Variants in BCKDHB observed in about 807,000 individuals in gnomAD.
BCKDHB encodes the protein branched chain keto acid dehydrogenase E1 subunit beta, also known as 2-oxoisovalerate dehydrogenase subunit beta, mitochondrial.
Under a neutral mutation model 48.5 loss-of-function variants are expected in BCKDHB, and 41 were observed. That is an observed-to-expected ratio of 0.85 (90% confidence interval 0.66 to 1.10). The LOEUF (loss-of-function observed/expected upper bound fraction) is 1.10, where lower values mean the gene tolerates loss of function less well. Among genes scored for constraint, BCKDHB ranks in the 50% least tolerant of loss-of-function variants. The pLI, the probability that BCKDHB is intolerant of heterozygous loss-of-function variation, is 0.00. For missense variants in BCKDHB, 496 were observed against 494.2 expected (o/e 1.00, Z -0.03); for synonymous variants, 201 against 174.8 (o/e 1.15, Z -1.18).
the BCKDHB span, among the ~76,000 whole-genome samples, chr6:80,435,258 T>G: frequency 6.6e-6 from 1 of 152,212 alleles, no homozygotes; most frequent in Non-Finnish European, 1.5e-5. Flanking sequence ...GGGCACAATT[T>G]GATTTTACTG....
intron 9 of BCKDHB, among the ~76,000 whole-genome samples, chr6:80,337,101 G>A (rs984445544): frequency 6.6e-6 from 1 of 152,064 alleles, no homozygotes; most frequent in African/African-American, 2.4e-5. Flanking sequence ...ACAGGTTTCT[G>A]TGACTCATTT....
At chr6:80,234,420 G>A (rs1056638458) in intron 8 of BCKDHB, among the ~76,000 whole-genome samples, 1 of 152,160 alleles carries the variant, frequency 6.6e-6, no homozygotes, top group African/African-American at 2.4e-5. Context: ...AGGGGTGGCA[G>A]TTTATATTTG....
chr6:80,110,553 A>G (rs1383588244), intron 1 of BCKDHB, among the ~76,000 whole-genome samples: 1 of 152,200 alleles, frequency 6.6e-6, no homozygotes, highest in Non-Finnish European at 1.5e-5. Flanking sequence ...GAACTGTCCA[A>G]GTGTATTATT....
At chr6:80,384,604 G>A in the BCKDHB span, among the ~76,000 whole-genome samples, 2 of 152,032 alleles carry the variant, frequency 1.3e-5, no homozygotes, top group African/African-American at 4.8e-5. Context: ...TGATCCGCCT[G>A]CCTTGGCCTC....
intron 9 of BCKDHB, among the ~76,000 whole-genome samples, chr6:80,335,427 A>C (rs1769537183): frequency 6.6e-6 from 1 of 152,010 alleles, no homozygotes; most frequent in African/African-American, 2.4e-5. Flanking sequence ...AGGAAATTCC[A>C]CTTTCAAACG....
chr6:80,414,386 G>T, the BCKDHB span, among the ~76,000 whole-genome samples: 6 of 152,238 alleles, frequency 3.9e-5, no homozygotes, highest in South Asian at 1.2e-3. Flanking sequence ...TTCCAGGATG[G>T]TATTTTCTAG....
the BCKDHB span, among the ~76,000 whole-genome samples, chr6:80,408,095 G>T: frequency 6.6e-6 from 1 of 152,046 alleles, no homozygotes; most frequent in Non-Finnish European, 1.5e-5. Context: ...GGCCTTTTCT[G>T]CATCTGTTGA....
chr6:80,213,593 A>G (rs1775038150), intron 8 of BCKDHB, among the ~76,000 whole-genome samples: 1 of 151,632 alleles, frequency 6.6e-6, no homozygotes, highest in Non-Finnish European at 1.5e-5. Flanking sequence ...ACTGTCTCCC[A>G]GTCTTCCCTC....
At chr6:80,286,758 A>G (rs1766644251) in intron 9 of BCKDHB, among the ~76,000 whole-genome samples, 1 of 152,186 alleles carries the variant, frequency 6.6e-6, no homozygotes, top group African/African-American at 2.4e-5. Context: ...TTTCATAGAC[A>G]GAGTCTGAAG....
At chr6:80,374,124 C>T in the BCKDHB span, 1 of 708,584 alleles carries the variant, frequency 1.4e-6, no homozygotes, top group African/African-American at 1.7e-5. Context: ...TTCAGTAAGG[C>T]TCATCTCAAT....
chr6:80,128,872 CTGTGTGTGTGTGTG>C lies in BCKDHB; in HGVS notation c.275-266_275-253del, dbSNP rs60116640. Among the ~76,000 whole-genome samples, 97 of 147,522 alleles carry C rather than the reference CTGTGTGTGTGTGTG, an allele frequency of 6.6e-4. 3 individuals are homozygous for C. In the East Asian group the frequency reaches 0.013, roughly 19 times the overall value. Reference sequence around the variant, plus strand: ...GTGAAGACACTTTTTGTTGTCTCAACTGTGTGTGTGTGTGTGTGTGTGTGTGTGTGTGTGTGGTA... The same window carrying C: ...GTGAAGACACTTTTTGTTGTCTCAACTGTGTGTGTGTGTGTGTGTGTGGTA... On this transcript the variant is annotated intron_variant, in intron 2 of 9. Coordinates refer to ENST00000320393, the MANE Select transcript of BCKDHB (RefSeq NM_183050.4).
chr6:80,269,301 G>T (rs62408604), intron 8 of BCKDHB, among the ~76,000 whole-genome samples: 6 of 152,116 alleles, frequency 3.9e-5, no homozygotes, highest in South Asian at 4.1e-4. Context: ...GATTCTGATT[G>T]CTCCTATTGT....
At chr6:80,358,844 TTAAAA>T in the BCKDHB span, among the ~76,000 whole-genome samples, 1 of 152,166 alleles carries the variant, frequency 6.6e-6, no homozygotes, top group Non-Finnish European at 1.5e-5. Flanking sequence ...ATCCTTCACT[TTAAAA>T]TAGTAAATTT....
the BCKDHB span, among the ~76,000 whole-genome samples, chr6:80,406,426 AC>A: frequency 6.6e-6 from 1 of 152,212 alleles, no homozygotes; most frequent in East Asian, 1.9e-4. Flanking sequence ...TTGAGGAATC[AC>A]CACACTGTCT....
intron 9 of BCKDHB, among the ~76,000 whole-genome samples, chr6:80,297,212 G>C (rs1692293228): frequency 1.3e-5 from 2 of 152,138 alleles, no homozygotes; most frequent in African/African-American, 2.4e-5. Flanking sequence ...CAAAGAAGCA[G>C]TTTATGACCC....
intron 8 of BCKDHB, among the ~76,000 whole-genome samples, chr6:80,218,968 G>A (rs1488595186): frequency 6.6e-6 from 1 of 151,688 alleles, no homozygotes; most frequent in Non-Finnish European, 1.5e-5. Flanking sequence ...TTGGTCTTTG[G>A]GACCCTAAAA....
At chr6:80,169,185 T>A (rs1562104938) in intron 5 of BCKDHB, among the ~76,000 whole-genome samples, 155 bp downstream of exon 5, 1 of 152,232 alleles carries the variant, frequency 6.6e-6, no homozygotes. Flanking sequence ...AGGTTAGCAG[T>A]TCTTTTAAGT....
At chr6:80,222,846 G>A (rs189796175) in intron 8 of BCKDHB, among the ~76,000 whole-genome samples, 466 of 152,266 alleles carry the variant, frequency 3.1e-3, no homozygotes, top group Middle Eastern at 0.014. Context: ...CATACATTTA[G>A]TCTATAAGAG....
chr6:80,434,285 T>A, the BCKDHB span, among the ~76,000 whole-genome samples: 5,509 of 151,844 alleles, frequency 0.036, 350 homozygotes, highest in African/African-American at 0.13. Flanking sequence ...ATTTTTCTGC[T>A]TCTTAAAAAC....
Sources: allele counts gnomAD v4.1 joint callset (sites outside exome capture counted in the v4.1 genomes callset), GRCh38; gene constraint gnomAD v4.1.1; transcripts MANE v1.5; gene names NCBI Gene and HGNC (gene_info 2026-07-23, HGNC 2026-07-21).